Variants in MACROD2 observed in about 807,000 individuals in gnomAD.
MACROD2 encodes mono-ADP ribosylhydrolase 2, also known as ADP-ribose glycohydrolase MACROD2.
In MACROD2, 36 loss-of-function variants were observed where a neutral mutation model predicts 70.4. That is an observed-to-expected ratio of 0.51 (90% CI 0.39 to 0.68). The LOEUF (loss-of-function observed/expected upper bound fraction) is 0.68. MACROD2 is among the 30% of genes least tolerant of loss of function. The pLI is 0.00. For synonymous variants in MACROD2, 172 were observed against 178.8 expected (o/e 0.96, Z 0.30); for missense variants, 496 against 538.4 (o/e 0.92, Z 0.78).
chr20:14,807,983 G>A (rs925581060), intron 5 of MACROD2, among the ~76,000 whole-genome samples: 5 of 152,216 alleles, frequency 3.3e-5, no homozygotes, highest in Admixed American at 3.3e-4. Flanking sequence ...GTACCTGAAA[G>A]TGATGGGGAG....
chr20:15,785,894 A>T (rs1202076187), intron 8 of MACROD2, among the ~76,000 whole-genome samples: 1 of 152,228 alleles, frequency 6.6e-6, no homozygotes, highest in Non-Finnish European at 1.5e-5. Flanking sequence ...ATATTAATAT[A>T]AAGCAGATGG....
intron 5 of MACROD2, among the ~76,000 whole-genome samples, chr20:15,172,258 G>GA (rs547272340): frequency 3.3e-4 from 50 of 150,554 alleles, no homozygotes; most frequent in Middle Eastern, 3.4e-3. Context: ...GACTCCAGTG[G>GA]AAAAAAAAAT....
intron 5 of MACROD2, among the ~76,000 whole-genome samples, chr20:15,048,893 G>T (rs1233738854): frequency 6.6e-6 from 1 of 151,772 alleles, no homozygotes; most frequent in Non-Finnish European, 1.5e-5. Context: ...TTTCAACATT[G>T]TTCTGTCACT....
chr20:15,091,360 A>G (rs1378433778), intron 5 of MACROD2, among the ~76,000 whole-genome samples: 2 of 152,170 alleles, frequency 1.3e-5, no homozygotes, highest in African/African-American at 4.8e-5. Context: ...AAACAAAAAA[A>G]AAATGAAAAA....
chr20:15,011,936 C>T (rs1349559309), intron 5 of MACROD2, among the ~76,000 whole-genome samples: 1 of 152,162 alleles, frequency 6.6e-6, no homozygotes, highest in Admixed American at 6.5e-5. Context: ...CAGAGGACAA[C>T]AGCATCAGGC....
At chr20:15,497,272 G>T (rs1044807159) in intron 7 of MACROD2, among the ~76,000 whole-genome samples, 2 of 152,070 alleles carry the variant, frequency 1.3e-5, no homozygotes, top group Admixed American at 6.5e-5. Context: ...CCCCTAACAG[G>T]AAATGCCCAT....
intron 3 of MACROD2, among the ~76,000 whole-genome samples, chr20:14,220,924 G>T (rs963370502): frequency 1.3e-5 from 2 of 152,114 alleles, no homozygotes; most frequent in Non-Finnish European, 2.9e-5. Context: ...GGGTCTGTGG[G>T]TCCTCTCAGG....
intron 6 of MACROD2, among the ~76,000 whole-genome samples, chr20:15,352,635 G>A (rs1242695963): frequency 2.6e-5 from 4 of 152,080 alleles, no homozygotes; most frequent in African/African-American, 9.7e-5. Flanking sequence ...TGTTAAAGAG[G>A]TTGTGGTAAA....
chr20:14,541,165 T>C (rs2123232996), intron 4 of MACROD2, among the ~76,000 whole-genome samples: 1 of 152,350 alleles, frequency 6.6e-6, no homozygotes, highest in South Asian at 2.1e-4. Flanking sequence ...AATATTGTGT[T>C]TGTTCTTTCA....
chr20:15,229,991 A>T lies in MACROD2; in HGVS notation c.470A>T (p.His157Leu). 6.2e-7 allele frequency: 1 copy of T among 1,613,780 alleles called. No homozygotes were observed. Among genetic ancestry groups the T allele is most frequent in the Non-Finnish European group, 8.5e-7 (1 of 1,179,710 alleles). ...GCCAGGGGCCATATTAATGGTTCCC[A>T]CAAGGAAGACCTTGCAAATTGCTAT... is the stretch of plus-strand genomic sequence containing the variant. ...PIARGHINGS[H>L]KEDLANCYKS... The change falls in exon 6 of 18, where the codon CAC becomes CTC. Residue 157 changes from histidine (H) to leucine (L), a missense_variant. His to Leu is a moderately conservative substitution (Grantham distance 99, BLOSUM62 -3). Coordinates refer to ENST00000684519, the MANE Select transcript of MACROD2 (RefSeq NM_001351661.2).
chr20:14,113,983 A>T (rs531968918), intron 3 of MACROD2, among the ~76,000 whole-genome samples: 2 of 152,230 alleles, frequency 1.3e-5, no homozygotes, highest in East Asian at 3.9e-4. Flanking sequence ...ATAATAGATA[A>T]TCCTGTGAAT....
intron 13 of MACROD2, among the ~76,000 whole-genome samples, chr20:15,973,773 T>G (rs942773368): frequency 1.1e-4 from 16 of 152,178 alleles, no homozygotes; most frequent in East Asian, 7.7e-4. Flanking sequence ...AAAGAAAACA[T>G]GAAGAACTAC....
chr20:14,603,790 A>G (rs1015235294), intron 4 of MACROD2, among the ~76,000 whole-genome samples: 2 of 152,172 alleles, frequency 1.3e-5, no homozygotes, highest in African/African-American at 2.4e-5. Flanking sequence ...ACTTTAAGTG[A>G]TTTAGACAAG....
chr20:15,775,531 A>G (rs35052348), intron 8 of MACROD2, among the ~76,000 whole-genome samples: 30,382 of 152,022 alleles, frequency 0.2, 3,123 homozygotes, highest in Non-Finnish European at 0.22. Context: ...ATTATGGCCA[A>G]TAAAGCAGTT....
chr20:15,328,577 C>A (rs2077957661), intron 6 of MACROD2, among the ~76,000 whole-genome samples: 1 of 152,062 alleles, frequency 6.6e-6, no homozygotes, highest in Admixed American at 6.6e-5. Context: ...CAAACATGAC[C>A]TGGTGTCAAA....
intron 3 of MACROD2, among the ~76,000 whole-genome samples, chr20:14,369,787 T>C (rs1195932295): frequency 6.6e-6 from 1 of 152,214 alleles, no homozygotes; most frequent in Non-Finnish European, 1.5e-5. Context: ...CTTCATGAAA[T>C]CTACCACCTC....
intron 3 of MACROD2, among the ~76,000 whole-genome samples, chr20:14,378,876 C>T (rs191726101): frequency 2.1e-3 from 316 of 152,302 alleles, no homozygotes; most frequent in South Asian, 3.1e-3. Flanking sequence ...TTTTAGAGTA[C>T]ACATTTGCTC....
chr20:14,889,298 GAAA>G (rs749887607), intron 5 of MACROD2, among the ~76,000 whole-genome samples: 76 of 152,186 alleles, frequency 5.0e-4, no homozygotes, highest in Non-Finnish European at 9.9e-4. Context: ...CTGCCCTCAT[GAAA>G]CTTATATTTT....
At position 14,527,292 on chromosome 20, in the gene MACROD2, G is replaced by C. The variant is rs1002594352; in HGVS notation, c.301+33784G>C. Among the ~76,000 whole-genome samples the C allele has an allele frequency of 5.3e-5, 8 of 152,182 alleles. No homozygotes were observed. The East Asian group carries it at 1.2e-3, about 22-fold the overall frequency. On this transcript the variant is annotated intron_variant, in intron 4 of 17. Transcript: ENST00000684519. The stretch of plus-strand genomic sequence containing the variant: ...CGCAGGTTTTCGTAGGCACACGATG[G>C]GGGTGTGGCAGACCAGGGTGGTCTT...
Sources: allele counts gnomAD v4.1 joint callset (sites outside exome capture counted in the v4.1 genomes callset), GRCh38; gene constraint gnomAD v4.1.1; transcripts MANE v1.5; gene names NCBI Gene and HGNC (gene_info 2026-07-23, HGNC 2026-07-21).